The following CRTC3 variants were observed in gnomAD, a reference collection of about 807,000 sequenced individuals.
CRTC3 encodes CREB regulated transcription coactivator 3.
CRTC3 carries 26 observed loss-of-function variants against 74.5 expected under a neutral mutation model. That is an observed-to-expected ratio of 0.35 (90% CI 0.26 to 0.48). CRTC3 has a LOEUF of 0.48. Among genes scored for constraint, CRTC3 ranks in the 20% least tolerant of loss-of-function variants. CRTC3 has a pLI of 0.99. For missense variants in CRTC3, 760 were observed against 787.3 expected, an observed-to-expected ratio of 0.97 and a Z score of 0.41; for synonymous variants, 377 against 325.8, an observed-to-expected ratio of 1.16 and a Z score of -1.69.
intron 2 of CRTC3, among the ~76,000 whole-genome samples, chr15:90,555,026 A>G (rs778041304): frequency 7.9e-5 from 12 of 152,194 alleles, no homozygotes; most frequent in African/African-American, 2.9e-4. Context: ...TACTCTGGCT[A>G]TATCTACAGC....
At chr15:90,622,653 C>G (rs1192136040) in intron 9 of CRTC3, among the ~76,000 whole-genome samples, 1 of 152,092 alleles carries the variant, frequency 6.6e-6, no homozygotes, top group Non-Finnish European at 1.5e-5. Flanking sequence ...GAGTTCAAGA[C>G]CAGCCTGGCC....
chr15:90,540,247 C>T (rs957992647), intron 2 of CRTC3, 110 bp downstream of exon 2: 6 of 709,828 alleles, frequency 8.5e-6, no homozygotes, highest in Non-Finnish European at 1.4e-5. Context: ...AGGTACAGTT[C>T]AGTCTTCTTT....
intron 2 of CRTC3, among the ~76,000 whole-genome samples, chr15:90,588,024 G>A (rs1407840953): frequency 2.6e-5 from 4 of 151,734 alleles, no homozygotes; most frequent in Non-Finnish European, 4.4e-5. Flanking sequence ...GAGGGGGGTG[G>A]ATCACTTGAG....
chr15:90,640,667 G>C (rs538781132), intron 13 of CRTC3, among the ~76,000 whole-genome samples: 1 of 142,844 alleles, frequency 7.0e-6, no homozygotes, highest in Admixed American at 7.0e-5. Flanking sequence ...GGGCAACAGA[G>C]ACCCTATCTT....
chr15:90,583,799 C>T lies in CRTC3; in HGVS notation c.232-9837C>T, dbSNP rs57654040. On this transcript the variant is annotated intron_variant, in intron 2 of 14. Coordinates refer to ENST00000268184, the MANE Select transcript of CRTC3 (RefSeq NM_022769.5). ...GCTGGCTGGGTGCTGGCAGGTCTGA[C>T]GCTGGAGATTTGTTATACATTTTGA... Among the ~76,000 whole-genome samples the T allele has an allele frequency of 4.6e-3, 706 of 152,010 alleles. 9 individuals carry two copies. Among genetic ancestry groups the T allele is most frequent in the African/African-American group, 0.017 (685 of 41,472 alleles).
At chr15:90,592,811 T>C (rs944850250) in intron 2 of CRTC3, among the ~76,000 whole-genome samples, 1 of 152,206 alleles carries the variant, frequency 6.6e-6, no homozygotes, top group Non-Finnish European at 1.5e-5. Flanking sequence ...GGAGCAGCCA[T>C]GCTCAACTTG....
intron 4 of CRTC3, 148 bp downstream of exon 4, chr15:90,602,533 T>G (rs1352828086): frequency 1.7e-6 from 1 of 599,990 alleles, no homozygotes; most frequent in Non-Finnish European, 2.9e-6. Flanking sequence ...AGTGGGAGGA[T>G]CACTTGAGAC....
intron 2 of CRTC3, among the ~76,000 whole-genome samples, chr15:90,569,360 C>T (rs1967204306): frequency 6.8e-6 from 1 of 146,084 alleles, no homozygotes; most frequent in African/African-American, 2.5e-5. Flanking sequence ...GCTCTTGTTG[C>T]CCAGGCCGAA....
At chr15:90,557,222 T>C (rs550963325) in intron 2 of CRTC3, among the ~76,000 whole-genome samples, 1 of 152,194 alleles carries the variant, frequency 6.6e-6, no homozygotes, top group South Asian at 2.1e-4. Flanking sequence ...AAGTTTAGCT[T>C]AGCATCTTTC....
At chr15:90,559,274 C>T (rs527967581) in intron 2 of CRTC3, among the ~76,000 whole-genome samples, 1 of 152,024 alleles carries the variant, frequency 6.6e-6, no homozygotes, top group African/African-American at 2.4e-5. Context: ...CTTACAGTAA[C>T]CTTATGTGAT....
chr15:90,580,448 C>T (rs1279369313), intron 2 of CRTC3, among the ~76,000 whole-genome samples: 2 of 149,144 alleles, frequency 1.3e-5, no homozygotes, highest in African/African-American at 4.9e-5. Context: ...TTTCCTGAGA[C>T]GAGTCTTGCT....
chr15:90,600,694 C>T (rs1968046632), intron 3 of CRTC3: 1 of 152,204 alleles, frequency 6.6e-6, no homozygotes, highest in Non-Finnish European at 1.5e-5. Context: ...CAGCACAGGC[C>T]TGGCACACAG....
chr15:90,534,063 T>G (rs1270140384), intron 1 of CRTC3, among the ~76,000 whole-genome samples: 1 of 152,158 alleles, frequency 6.6e-6, no homozygotes, highest in Non-Finnish European at 1.5e-5. Context: ...ATTTGCTTTT[T>G]TAAAAGATTC....
intron 2 of CRTC3, among the ~76,000 whole-genome samples, chr15:90,575,346 C>A (rs113876001): frequency 6.6e-6 from 1 of 152,014 alleles, no homozygotes; most frequent in Non-Finnish European, 1.5e-5. Flanking sequence ...GATGAAACTC[C>A]GTCTCAAAAA....
intron 11 of CRTC3, among the ~76,000 whole-genome samples, chr15:90,630,426 C>G (rs990523627): frequency 6.6e-6 from 1 of 152,110 alleles, no homozygotes; most frequent in Admixed American, 6.5e-5. Context: ...GAGAAAGAGG[C>G]ACATTTAAAA....
At chr15:90,578,717 T>G (rs553747790) in intron 2 of CRTC3, among the ~76,000 whole-genome samples, 6 of 152,288 alleles carry the variant, frequency 3.9e-5, no homozygotes, top group African/African-American at 1.4e-4. Context: ...TGGTATCGAT[T>G]GTGAGGTGGG....
intron 2 of CRTC3, among the ~76,000 whole-genome samples, chr15:90,579,998 C>T (rs1011104655): frequency 2.6e-5 from 4 of 152,116 alleles, no homozygotes; most frequent in African/African-American, 9.7e-5. Context: ...CATCCCCACT[C>T]AGGAACATCA....
intron 2 of CRTC3, among the ~76,000 whole-genome samples, chr15:90,545,545 G>A (rs187070876): frequency 6.0e-4 from 89 of 148,410 alleles, no homozygotes; most frequent in Non-Finnish European, 3.0e-4. Flanking sequence ...GTTTACAGGC[G>A]CGCCCCACCA....
chr15:90,622,675 A>T (rs1282641160), intron 9 of CRTC3, among the ~76,000 whole-genome samples: 1 of 152,140 alleles, frequency 6.6e-6, no homozygotes, highest in Non-Finnish European at 1.5e-5. Flanking sequence ...ACATGGCGAA[A>T]CCCTGTCTCT....
Sources: allele counts gnomAD v4.1 joint callset (sites outside exome capture counted in the v4.1 genomes callset), GRCh38; gene constraint gnomAD v4.1.1; transcripts MANE v1.5; gene names NCBI Gene and HGNC (gene_info 2026-07-23, HGNC 2026-07-21).